GRIK3: variants seen among roughly 807,000 people sequenced by gnomAD.
GRIK3 encodes the protein glutamate ionotropic receptor kainate type subunit 3.
Under a neutral mutation model 102.5 loss-of-function variants are expected in GRIK3, and 29 were observed. The observed-to-expected ratio is 0.28, with a 90% CI of 0.21 to 0.39. The LOEUF (loss-of-function observed/expected upper bound fraction) is 0.39. Among genes scored for constraint, GRIK3 ranks in the 10% least tolerant of loss-of-function variants. The pLI is 1.00. For missense variants in GRIK3, 908 were observed against 1,252.4 expected (o/e 0.73, Z 4.15); for synonymous variants, 511 against 504.9 (o/e 1.01, Z -0.16).
At chr1:36,914,950 G>C (rs147555390) in intron 1 of GRIK3, among the ~76,000 whole-genome samples, 205 of 152,362 alleles carry the variant, frequency 1.3e-3, no homozygotes, top group African/African-American at 4.7e-3. Flanking sequence ...GCCTCTCCCT[G>C]AGGTAGTTGT....
chr1:36,863,812 G>T (rs1640754084), intron 5 of GRIK3, among the ~76,000 whole-genome samples: 1 of 152,144 alleles, frequency 6.6e-6, no homozygotes, highest in Non-Finnish European at 1.5e-5. Flanking sequence ...TCCCCTATGA[G>T]CTATGGGCTG....
intron 10 of GRIK3, among the ~76,000 whole-genome samples, chr1:36,829,654 C>T (rs913441612): frequency 6.6e-5 from 10 of 152,136 alleles, no homozygotes; most frequent in African/African-American, 2.2e-4. Flanking sequence ...AAGCAGCTTT[C>T]CACTTACCAA....
At position 36,931,726 on chromosome 1, in the gene GRIK3, G is replaced by C. The variant is rs557895625; in HGVS notation, c.116-40630C>G. Reference sequence around the variant, plus strand: ...AATTTGGCATCAGGACTAGATGAGAGCTTCTCCAACCCACTCCCACAGAGC... The same window carrying C: ...AATTTGGCATCAGGACTAGATGAGACCTTCTCCAACCCACTCCCACAGAGC... On this transcript the variant is annotated intron_variant, in intron 1 of 15. Coordinates refer to ENST00000373091, the MANE Select transcript of GRIK3 (RefSeq NM_000831.4). Among the ~76,000 whole-genome samples the C allele has an allele frequency of 5.3e-5, 8 of 152,316 alleles. No homozygotes were observed. The East Asian group carries it at 1.2e-3, about 22-fold the overall frequency.
chr1:37,018,498 A>G (rs147141833), intron 1 of GRIK3, among the ~76,000 whole-genome samples: 1 of 152,158 alleles, frequency 6.6e-6, no homozygotes, highest in East Asian at 1.9e-4. Context: ...GTCTCTGAGC[A>G]CTCTTTCTGG....
chr1:36,858,012 C>G (rs1258326301), intron 7 of GRIK3, among the ~76,000 whole-genome samples: 1 of 152,232 alleles, frequency 6.6e-6, no homozygotes. Context: ...AAGAAGGCAG[C>G]TGGCTTCATT....
chr1:37,024,742 CAAAAAAAAAAA>C (rs11314211), intron 1 of GRIK3, among the ~76,000 whole-genome samples: 1 of 71,042 alleles, frequency 1.4e-5, no homozygotes, highest in Admixed American at 1.8e-4. Context: ...GACTCCATCT[CAAAAAAAAAAA>C]AAAAAAAAAA....
intron 1 of GRIK3, among the ~76,000 whole-genome samples, chr1:36,932,350 T>C (rs578115115): frequency 6.6e-6 from 1 of 152,294 alleles, no homozygotes; most frequent in East Asian, 1.9e-4. Context: ...CTCCCAAGCA[T>C]GCGACAGCCA....
At chr1:36,953,513 C>T (rs917446800) in intron 1 of GRIK3, among the ~76,000 whole-genome samples, 1 of 151,914 alleles carries the variant, frequency 6.6e-6, no homozygotes, top group African/African-American at 2.4e-5. Flanking sequence ...AGGGTGAGGG[C>T]TAGGGCATAC....
chr1:36,871,255 C>G (rs906825790), intron 4 of GRIK3, among the ~76,000 whole-genome samples: 1 of 152,174 alleles, frequency 6.6e-6, no homozygotes, highest in Non-Finnish European at 1.5e-5. Context: ...AAAGGAGCTT[C>G]CTTTGTGAGG....
At chr1:36,994,326 T>G (rs571150819) in intron 1 of GRIK3, among the ~76,000 whole-genome samples, 1 of 152,268 alleles carries the variant, frequency 6.6e-6, no homozygotes. Flanking sequence ...ACCTGTTAGG[T>G]AATACAGGCT....
intron 1 of GRIK3, among the ~76,000 whole-genome samples, chr1:36,982,394 A>T (rs1642259288): frequency 6.6e-6 from 1 of 152,190 alleles, no homozygotes; most frequent in African/African-American, 2.4e-5. Flanking sequence ...GGAGGACACG[A>T]GTCCTTGGAG....
At chr1:36,851,407 A>G (rs1640583385) in intron 8 of GRIK3, among the ~76,000 whole-genome samples, 1 of 152,236 alleles carries the variant, frequency 6.6e-6, no homozygotes, top group South Asian at 2.1e-4. Flanking sequence ...CCCTGCCTAC[A>G]TAGACCACCC....
At chr1:36,943,378 A>T (rs878963879) in intron 1 of GRIK3, among the ~76,000 whole-genome samples, 1 of 152,262 alleles carries the variant, frequency 6.6e-6, no homozygotes, top group Admixed American at 6.5e-5. Flanking sequence ...GAAGCCACAT[A>T]GATCTGGGAA....
At chr1:36,926,309 T>C (rs1163072993) in intron 1 of GRIK3, among the ~76,000 whole-genome samples, 2 of 152,134 alleles carry the variant, frequency 1.3e-5, no homozygotes, top group Non-Finnish European at 2.9e-5. Flanking sequence ...AGTCCAAGGC[T>C]TCAGGTGAGC....
At chr1:37,033,454 G>A (rs1054549829) in intron 1 of GRIK3, among the ~76,000 whole-genome samples, 1 of 152,160 alleles carries the variant, frequency 6.6e-6, no homozygotes, top group Admixed American at 6.5e-5. Context: ...GGCTGAACCG[G>A]TACCACCGAG....
intron 10 of GRIK3, 42 bp from the exon 11 acceptor site, chr1:36,825,868 T>A (rs1445571198): frequency 3.1e-5 from 44 of 1,411,672 alleles, no homozygotes; most frequent in Non-Finnish European, 4.3e-5. Flanking sequence ...ATGAGCAAAG[T>A]CTCAGAATAG....
chr1:36,988,625 C>T (rs1314587746), intron 1 of GRIK3, among the ~76,000 whole-genome samples: 2 of 152,136 alleles, frequency 1.3e-5, no homozygotes, highest in Non-Finnish European at 2.9e-5. Flanking sequence ...CACAAAGTGC[C>T]GAGTCACAGA....
chr1:36,985,103 G>A (rs1289887754), intron 1 of GRIK3, among the ~76,000 whole-genome samples: 1 of 152,128 alleles, frequency 6.6e-6, no homozygotes, highest in African/African-American at 2.4e-5. Context: ...GTCCAGGCAT[G>A]CGGGCAAGGG....
intron 1 of GRIK3, among the ~76,000 whole-genome samples, chr1:36,983,770 G>A (rs1397949172): frequency 6.6e-6 from 1 of 151,998 alleles, no homozygotes; most frequent in African/African-American, 2.4e-5. Context: ...GTGCCTCTAG[G>A]ATTTTCTTTG....
Sources: gnomAD v4.1 joint callset for allele counts (sites outside exome capture counted in the v4.1 genomes callset) on GRCh38, gnomAD v4.1.1 for gene constraint, MANE v1.5 for transcripts, NCBI Gene and HGNC (gene_info 2026-07-23, HGNC 2026-07-21) for gene names.